MARCHF11: variants seen among roughly 807,000 people sequenced by gnomAD.
MARCHF11 encodes E3 ubiquitin-protein ligase MARCHF11.
Under a neutral mutation model 37.3 loss-of-function variants are expected in MARCHF11, and 29 were observed. That is an observed-to-expected ratio of 0.78 (90% CI 0.58 to 1.06). The LOEUF is 1.06. Among genes scored for constraint, MARCHF11 ranks in the 50% least tolerant of loss-of-function variants. The probability of loss-of-function intolerance (pLI) is 0.00; values close to 1 mark genes in which losing one functional copy is unlikely to be tolerated. For missense variants in MARCHF11, 482 were observed against 533.4 expected (o/e 0.90, Z 0.95); for synonymous variants, 233 against 228.0 (o/e 1.02, Z -0.20).
intron 3 of MARCHF11, among the ~76,000 whole-genome samples, chr5:16,090,112 A>G (rs948137954): frequency 8.5e-5 from 13 of 152,138 alleles, no homozygotes; most frequent in Middle Eastern, 3.4e-3. Context: ...CAGAGCAGGA[A>G]AATGCTCCCA....
intron 2 of MARCHF11, among the ~76,000 whole-genome samples, chr5:16,174,101 T>C (rs572805638): frequency 6.6e-6 from 1 of 152,194 alleles, no homozygotes; most frequent in Non-Finnish European, 1.5e-5. Context: ...ACTGAAGCCA[T>C]TCATAAACTG....
intron 3 of MARCHF11, among the ~76,000 whole-genome samples, chr5:16,080,339 C>T (rs918566362): frequency 3.3e-5 from 5 of 152,158 alleles, no homozygotes; most frequent in African/African-American, 4.8e-5. Flanking sequence ...TTTCCAGCCA[C>T]GATCCTCTCC....
At position 16,179,101 on chromosome 5, in the gene MARCHF11, C is replaced by A. The variant is rs1244203781; in HGVS notation, c.475G>T (p.Ala159Ser). The A allele has an allele frequency of 1.3e-6, 2 of 1,493,878 alleles. No homozygotes were observed. The highest frequency in any genetic ancestry group is 2.9e-5 in the East Asian group (1 of 34,658). 92.5% of individuals were successfully genotyped at this position (1,493,878 alleles called of 1,614,324 possible). ...TGGTGGTGCTGGTGCTGGTGCCCAGCGCGCTGGTCGCCGCCGCCACTGCTG... is the reference window on the plus strand; with the variant it reads ...TGGTGGTGCTGGTGCTGGTGCCCAGAGCGCTGGTCGCCGCCGCCACTGCTG... Reference protein sequence around the residue: ...SSSSGGGDQRAGHQHQHHQPI... With the variant: ...SSSSGGGDQRSGHQHQHHQPI... Residue 159 changes from alanine (A) to serine (S), a missense_variant, in exon 1 of 4, where the codon GCT becomes TCT. By Grantham distance (99) the Ala-to-Ser change is moderately conservative. Coordinates refer to ENST00000332432, the MANE Select transcript of MARCHF11 (RefSeq NM_001102562.3).
At chr5:16,137,927 G>A (rs1252158920) in intron 2 of MARCHF11, among the ~76,000 whole-genome samples, 1 of 152,196 alleles carries the variant, frequency 6.6e-6, no homozygotes, top group Non-Finnish European at 1.5e-5. Context: ...GCTCTTGAAA[G>A]CATTCAGTTT....
intron 2 of MARCHF11, among the ~76,000 whole-genome samples, chr5:16,157,907 G>A (rs974453957): frequency 2.6e-5 from 4 of 151,916 alleles, no homozygotes; most frequent in South Asian, 2.1e-4. Flanking sequence ...CCTATGGAAT[G>A]AGAGAAAATA....
chr5:16,114,897 T>A (rs975005335), intron 2 of MARCHF11, among the ~76,000 whole-genome samples: 1 of 152,186 alleles, frequency 6.6e-6, no homozygotes, highest in African/African-American at 2.4e-5. Flanking sequence ...TTACTTTGAT[T>A]ATTTGGATGG....
In MARCHF11 at chr5:16,123,851, C is replaced by A. The variant is rs546792526; in HGVS notation, c.694-32770G>T. The stretch of plus-strand genomic sequence containing the variant: ...TATATTAAATATAAGTCACAGCCTT[C>A]TTTAATTAATAGGTATAGAGACCCA... On this transcript the variant is annotated intron_variant, in intron 2 of 3. Coordinates refer to ENST00000332432, the MANE Select transcript of MARCHF11 (RefSeq NM_001102562.3). Among the ~76,000 whole-genome samples the A allele has an allele frequency of 3.3e-5, 5 of 152,252 alleles. No homozygotes were observed. In the South Asian group the frequency reaches 1.0e-3, roughly 32 times the overall value.
At chr5:16,134,307 G>C (rs973234098) in intron 2 of MARCHF11, among the ~76,000 whole-genome samples, 1 of 152,072 alleles carries the variant, frequency 6.6e-6, no homozygotes, top group African/African-American at 2.4e-5. Context: ...AATGGGGAAG[G>C]TTTAGGTCAT....
chr5:16,107,333 G>GTTT (rs112606913), intron 2 of MARCHF11, among the ~76,000 whole-genome samples: 1 of 145,498 alleles, frequency 6.9e-6, no homozygotes, highest in African/African-American at 2.5e-5. Flanking sequence ...AAGCACTATT[G>GTTT]TTTTTTTTTT....
At chr5:16,149,880 C>T (rs892450751) in intron 2 of MARCHF11, among the ~76,000 whole-genome samples, 5 of 152,088 alleles carry the variant, frequency 3.3e-5, no homozygotes, top group African/African-American at 1.2e-4. Flanking sequence ...CTGCTGCACT[C>T]AACCATGCAG....
Position 16,090,966 on chromosome 5 carries a change from T to G in MARCHF11, c.809A>C (p.Tyr270Ser). 1 of 1,611,920 alleles carries G rather than the reference T, an allele frequency of 6.2e-7. No individual in the cohort carries two copies. ...GATGTCCTTCCTCTGCCACACTGCA[T>G]AGGGGCTGAAGGCTGACCAGAGGAG... ...TWLLWSAFSPYAVWQRKDILF... is the reference protein window; with the variant it reads ...TWLLWSAFSPSAVWQRKDILF... Residue 270 changes from tyrosine (Y) to serine (S), a missense_variant, in exon 3 of 4, where the codon TAT (tyrosine) becomes TCT (serine). By Grantham distance (144) the Tyr-to-Ser change is moderately radical. Transcript: ENST00000332432.
chr5:16,105,013 A>G (rs1033991419), intron 2 of MARCHF11, among the ~76,000 whole-genome samples: 1 of 152,248 alleles, frequency 6.6e-6, no homozygotes, highest in Non-Finnish European at 1.5e-5. Context: ...CAAAGGTAAC[A>G]GAGCGCTAAC....
chr5:16,159,615 G>A (rs2582678), intron 2 of MARCHF11, among the ~76,000 whole-genome samples: 140,976 of 152,008 alleles, frequency 0.93, 66,126 homozygotes, highest in East Asian at 1. Context: ...AAATGAAATT[G>A]TATTTCCCAT....
At chr5:16,143,033 C>T (rs1305022958) in intron 2 of MARCHF11, among the ~76,000 whole-genome samples, 1 of 151,934 alleles carries the variant, frequency 6.6e-6, no homozygotes, top group Non-Finnish European at 1.5e-5. Context: ...AGCCACCATT[C>T]CCGGCCATAT....
At chr5:16,079,552 T>G (rs1579675379) in intron 3 of MARCHF11, among the ~76,000 whole-genome samples, 1 of 152,230 alleles carries the variant, frequency 6.6e-6, no homozygotes, top group Non-Finnish European at 1.5e-5. Flanking sequence ...TCATCCCTAT[T>G]GGGCAACAGC....
chr5:16,152,328 G>C (rs1370222486), intron 2 of MARCHF11, among the ~76,000 whole-genome samples: 1 of 151,796 alleles, frequency 6.6e-6, no homozygotes, highest in African/African-American at 2.4e-5. Flanking sequence ...GACAAGCAAG[G>C]CTCAAAAATA....
intron 2 of MARCHF11, among the ~76,000 whole-genome samples, chr5:16,125,811 T>C (rs988415587): frequency 6.6e-6 from 1 of 152,182 alleles, no homozygotes; most frequent in African/African-American, 2.4e-5. Context: ...AGAGGAAATG[T>C]AGTACAAATC....
At chr5:16,153,002 A>G (rs1252164721) in intron 2 of MARCHF11, among the ~76,000 whole-genome samples, 1 of 152,010 alleles carries the variant, frequency 6.6e-6, no homozygotes, top group East Asian at 1.9e-4. Context: ...CCAATGTTCC[A>G]TGTATAGCAA....
chr5:16,068,074 G>A (rs1385162772), intron 3 of MARCHF11, among the ~76,000 whole-genome samples: 1 of 152,102 alleles, frequency 6.6e-6, no homozygotes, highest in Admixed American at 6.5e-5. Context: ...TTTGCTTTGG[G>A]AATTTATATT....
Sources: allele counts gnomAD v4.1 joint callset (sites outside exome capture counted in the v4.1 genomes callset), GRCh38; gene constraint gnomAD v4.1.1; transcripts MANE v1.5; gene names NCBI Gene and HGNC (gene_info 2026-07-23, HGNC 2026-07-21).